Variants in CLVS2 observed in about 807,000 individuals in gnomAD.
The protein encoded by CLVS2 is clavesin-2.
Under a neutral mutation model 29.0 loss-of-function variants are expected in CLVS2, and 19 were observed. That is an observed-to-expected ratio of 0.66 (90% CI 0.46 to 0.96). The LOEUF is 0.96. Ranked by LOEUF, CLVS2 falls within the 40% of genes least tolerant of loss-of-function variation. The pLI, the probability that CLVS2 is intolerant of heterozygous loss-of-function variation, is 0.00. For synonymous variants in CLVS2, 161 were observed against 151.3 expected (o/e 1.06, Z -0.47); for missense variants, 294 against 404.1 (o/e 0.73, Z 2.34).
Position 123,059,073 on chromosome 6 carries a change from C to G in CLVS2, c.896+3047C>G, listed in dbSNP as rs112582142. 3.3e-5 allele frequency among the ~76,000 whole-genome samples: 5 copies of G among 152,290 alleles called. 1 individual carries two copies. The highest frequency in any genetic ancestry group is 3.4e-3 in the Middle Eastern group (1 of 294). ...CCTCCCTCTCTCCTCCAGGTGTATC[C>G]TGTCTGCTTCCTCTTCCCCTGCTTT... On this transcript the variant is annotated intron_variant, in intron 5 of 5. Coordinates refer to ENST00000275162, the MANE Select transcript of CLVS2 (RefSeq NM_001010852.4).
chr6:123,038,577 A>T (rs1775186431), intron 3 of CLVS2, among the ~76,000 whole-genome samples: 1 of 152,202 alleles, frequency 6.6e-6, no homozygotes, highest in East Asian at 1.9e-4. Flanking sequence ...GAATAAAGTA[A>T]GTCATCTATT....
chr6:123,032,600 T>C (rs1223979642), intron 3 of CLVS2, among the ~76,000 whole-genome samples: 1 of 152,044 alleles, frequency 6.6e-6, no homozygotes, highest in African/African-American at 2.4e-5. Flanking sequence ...CAAAGAAAAT[T>C]ATAAAAGCGA....
chr6:123,036,625 C>T (rs1435246285), intron 3 of CLVS2, among the ~76,000 whole-genome samples: 1 of 152,162 alleles, frequency 6.6e-6, no homozygotes. Flanking sequence ...GGTACCATCC[C>T]CTTTTCCCTT....
In CLVS2 at chr6:123,070,261, C is replaced by T. The variant is rs1227240568; in HGVS notation, c.*6500C>T. ...TGCTTCCCCTTTAGCCTTCTCATCT[C>T]ACTATGTGTCGACCCCAATCTTCCA... On this transcript the variant is annotated 3_prime_UTR_variant, in exon 6 of 6. Transcript: ENST00000275162. 1 of 151,916 alleles carries T rather than the reference C, an allele frequency of 6.6e-6. No individual in the cohort carries two copies. Among genetic ancestry groups the T allele is most frequent in the Non-Finnish European group, 1.5e-5 (1 of 67,884 alleles). The allele number at this position is 151,916 out of a possible 1,614,324, so 9.4% of individuals were successfully genotyped here.
Position 122,997,806 on chromosome 6 carries a change from C to T in CLVS2, c.29C>T (p.Pro10Leu), listed in dbSNP as rs916396611. Residue 10 changes from proline (P) to leucine (L), a missense_variant, in exon 2 of 6, where the codon CCT (proline) becomes CTT (leucine). Physicochemically the swap from Pro to Leu is moderately conservative, Grantham distance 98 (BLOSUM62 -3). Coordinates refer to ENST00000275162, the MANE Select transcript of CLVS2 (RefSeq NM_001010852.4). MTHLQAGLS[P>L]ETLEKARLEL... ...ACTCATTTGCAAGCCGGTCTCTCCCCTGAGACCCTGGAGAAAGCTCGCCTG... is the reference window on the plus strand; with the variant it reads ...ACTCATTTGCAAGCCGGTCTCTCCCTTGAGACCCTGGAGAAAGCTCGCCTG... 1.2e-6 allele frequency: 2 copies of T among 1,614,056 alleles called. No homozygotes were observed. Among genetic ancestry groups the T allele is most frequent in the Admixed American group, 1.7e-5 (1 of 60,024 alleles).
chr6:123,036,527 C>G (rs1385816242), intron 3 of CLVS2, among the ~76,000 whole-genome samples: 1 of 152,116 alleles, frequency 6.6e-6, no homozygotes, highest in Admixed American at 6.6e-5. Context: ...GGGTAATGAT[C>G]CCAAGCTGAA....
chr6:123,009,929 A>T (rs912990951), intron 2 of CLVS2, among the ~76,000 whole-genome samples: 3 of 152,122 alleles, frequency 2.0e-5, no homozygotes, highest in Admixed American at 1.3e-4. Context: ...TGAGTTTAGG[A>T]TCCATTTGTT....
intron 3 of CLVS2, among the ~76,000 whole-genome samples, chr6:123,016,012 A>G (rs1774825926): frequency 6.8e-6 from 1 of 147,090 alleles, no homozygotes; most frequent in East Asian, 2.0e-4. Flanking sequence ...GGTAAGGCAC[A>G]ACATCAGACT....
At position 123,055,907 on chromosome 6, in the gene CLVS2, G is replaced by A. The variant is rs773715447; in HGVS notation, c.777G>A (p.Gly259=). Residue 259 remains glycine, a synonymous_variant, in exon 5 of 6, where the codon GGG becomes GGA. Coordinates refer to ENST00000275162, the MANE Select transcript of CLVS2 (RefSeq NM_001010852.4). ...GAATGCTGCCTCCTTATGACATGGG[G>A]ACATGGGCAAGAACACTGCTAGACC... ...FGGMLPPYDM[G]TWARTLLDHE... 1 of 1,613,962 alleles carries A rather than the reference G, an allele frequency of 6.2e-7. No individual in the cohort carries two copies. The highest frequency in any genetic ancestry group is 2.2e-5 in the East Asian group (1 of 44,852).
intron 5 of CLVS2, among the ~76,000 whole-genome samples, chr6:123,062,255 C>T (rs1032302481): frequency 3.3e-5 from 5 of 152,076 alleles, no homozygotes; most frequent in Non-Finnish European, 7.4e-5. Context: ...ATTACTTAGT[C>T]TTTTGTGCAA....
intron 3 of CLVS2, among the ~76,000 whole-genome samples, chr6:123,017,299 G>T (rs781154226): frequency 2.0e-5 from 3 of 152,058 alleles, no homozygotes; most frequent in Non-Finnish European, 4.4e-5. Context: ...TTGTTTACGA[G>T]CTACATTTTA....
In CLVS2 at chr6:123,072,228, G is replaced by A. The variant is rs1349846967; in HGVS notation, c.*8467G>A. The A allele has an allele frequency of 6.6e-6, 1 of 151,972 alleles. No homozygotes were observed. Among genetic ancestry groups the A allele is most frequent in the Non-Finnish European group, 1.5e-5 (1 of 67,960 alleles). The allele number at this position is 151,972 out of a possible 1,614,324, so 9.4% of individuals were successfully genotyped here. A position where few individuals can be genotyped will look rare whatever the true frequency, so the allele number is the denominator to read the frequency against. On this transcript the variant is annotated 3_prime_UTR_variant, in exon 6 of 6. Coordinates refer to ENST00000275162, the MANE Select transcript of CLVS2 (RefSeq NM_001010852.4). ...CTTCTATCAGAACATATATTAAGAA[G>A]ACACTGAATTTAAAGAATCAGCAGG...
intron 4 of CLVS2, among the ~76,000 whole-genome samples, chr6:123,052,513 A>C (rs1469864966): frequency 5.3e-5 from 8 of 152,138 alleles, no homozygotes; most frequent in Non-Finnish European, 8.8e-5. Flanking sequence ...TTGAGAATAG[A>C]GTGTAGGTGG....
chr6:123,005,314 C>A (rs146660758), intron 2 of CLVS2, among the ~76,000 whole-genome samples: 56 of 152,220 alleles, frequency 3.7e-4, no homozygotes, highest in African/African-American at 1.3e-3. Context: ...ACTAATAATA[C>A]CCTGAGGCAT....
intron 3 of CLVS2, among the ~76,000 whole-genome samples, chr6:123,031,044 C>G (rs2114333683): frequency 6.6e-6 from 1 of 152,000 alleles, no homozygotes; most frequent in Middle Eastern, 3.4e-3. Flanking sequence ...GTGATTCTCC[C>G]ACATCAGCCT....
chr6:123,016,740 T>C (rs1361026033), intron 3 of CLVS2, among the ~76,000 whole-genome samples: 3 of 152,084 alleles, frequency 2.0e-5, no homozygotes, highest in Non-Finnish European at 4.4e-5. Flanking sequence ...CCTTAATAAG[T>C]AGGACTTGTG....
At chr6:123,014,165 G>A (rs1410404748) in intron 3 of CLVS2, among the ~76,000 whole-genome samples, 2 of 151,980 alleles carry the variant, frequency 1.3e-5, no homozygotes, top group Non-Finnish European at 2.9e-5. Flanking sequence ...AAAACCCTTT[G>A]GGTATATACC....
intron 3 of CLVS2, among the ~76,000 whole-genome samples, chr6:123,031,078 A>G (rs1775077525): frequency 6.6e-6 from 1 of 151,862 alleles, no homozygotes; most frequent in Non-Finnish European, 1.5e-5. Flanking sequence ...GAATATGGGC[A>G]TGCACCACAA....
intron 3 of CLVS2, among the ~76,000 whole-genome samples, chr6:123,047,787 A>G (rs1772540063): frequency 6.6e-6 from 1 of 151,990 alleles, no homozygotes; most frequent in Non-Finnish European, 1.5e-5. Context: ...AGTGAGTTCA[A>G]TGTGTAATTT....
Sources: gnomAD v4.1 joint callset for allele counts (sites outside exome capture counted in the v4.1 genomes callset) on GRCh38, gnomAD v4.1.1 for gene constraint, MANE v1.5 for transcripts, NCBI Gene and HGNC (gene_info 2026-07-23, HGNC 2026-07-21) for gene names.